Variants in PCDHGA2 observed in about 807,000 individuals in gnomAD.
PCDHGA2 encodes protocadherin gamma subfamily A, 2, also known as protocadherin gamma-A2.
PCDHGA2 carries 40 observed loss-of-function variants against 59.2 expected under a neutral mutation model. The ratio of observed to expected loss-of-function variants is 0.68; its 90% CI spans 0.52 to 0.88. The LOEUF (loss-of-function observed/expected upper bound fraction) is 0.88. Ranked by LOEUF, PCDHGA2 falls within the 40% of genes least tolerant of loss-of-function variation. The pLI is 0.00. For missense variants in PCDHGA2, 1,226 were observed against 1,204.0 expected, an observed-to-expected ratio of 1.02 and a Z score of -0.27; for synonymous variants, 560 against 526.0, an observed-to-expected ratio of 1.06 and a Z score of -0.89.
At chr5:141,404,707 C>G in intron 1 of PCDHGA2, 1 of 1,614,122 alleles carries the variant, frequency 6.2e-7, no homozygotes, top group Non-Finnish European at 8.5e-7. Context: ...CAGAGCCTGG[C>G]TACCTGGTGA....
At chr5:141,492,070 G>T (rs1408035481) in intron 1 of PCDHGA2, 1 of 477,946 alleles carries the variant, frequency 2.1e-6, no homozygotes. Context: ...CCTCCTAGGC[G>T]CCGGCTCCGG....
chr5:141,453,676 C>T (rs1387074223), intron 1 of PCDHGA2, among the ~76,000 whole-genome samples: 1 of 152,174 alleles, frequency 6.6e-6, no homozygotes, highest in Admixed American at 6.6e-5. Flanking sequence ...AAAGGTAACA[C>T]ACTATGTAGG....
intron 1 of PCDHGA2, chr5:141,364,429 C>T (rs1297312122): frequency 1.9e-6 from 3 of 1,613,650 alleles, no homozygotes; most frequent in Admixed American, 1.7e-5. Flanking sequence ...AGATCCGCTA[C>T]TCGATGCCGG....
rs367793525 is a variant in PCDHGA2, at chr5:141,352,460, G to C, written c.2424+11065G>C. On this transcript the variant is annotated intron_variant, in intron 1 of 3. Transcript: ENST00000394576. ...CGGTCTCTGCTCCAAGTCTGGGCCC[G>C]GGGTTCCTCCCAACCACAGCGAGGG... The C allele has an allele frequency of 5.9e-5, 95 of 1,613,896 alleles. No homozygotes were observed. The highest frequency in any genetic ancestry group is 2.3e-4 in the African/African-American group (17 of 74,932).
At chr5:141,441,246 C>G (rs2098234855) in intron 1 of PCDHGA2, 1 of 152,136 alleles carries the variant, frequency 6.6e-6, no homozygotes, top group Non-Finnish European at 1.5e-5. Flanking sequence ...ATCACAAGAT[C>G]TTTAAATCAC....
chr5:141,455,148 A>G (rs6897410), intron 1 of PCDHGA2, among the ~76,000 whole-genome samples: 9,268 of 149,002 alleles, frequency 0.062, 567 homozygotes, highest in African/African-American at 0.16. Flanking sequence ...TTAAATAAAT[A>G]TTAGTTTGTT....
At chr5:141,409,219 T>A in intron 1 of PCDHGA2, 1 of 1,614,022 alleles carries the variant, frequency 6.2e-7, no homozygotes, top group Non-Finnish European at 8.5e-7. Context: ...AAATCCTTGA[T>A]GAAAACGACA....
intron 1 of PCDHGA2, among the ~76,000 whole-genome samples, chr5:141,446,664 G>A (rs116573282): frequency 0.012 from 1,821 of 152,192 alleles, 38 homozygotes; most frequent in African/African-American, 0.042. Context: ...TTTAGTACAA[G>A]ACAGCATTTC....
intron 1 of PCDHGA2, chr5:141,361,981 C>A (rs370897399): frequency 1.4e-4 from 232 of 1,601,314 alleles, no homozygotes; most frequent in Non-Finnish European, 1.8e-4. Context: ...CGAGCCCGGG[C>A]TCTTCAGCCT....
At chr5:141,350,905 G>C in intron 1 of PCDHGA2, 2 of 1,614,058 alleles carry the variant, frequency 1.2e-6, no homozygotes, top group Non-Finnish European at 1.7e-6. Flanking sequence ...TGGATGGCGG[G>C]GACCCGCCTC....
chr5:141,403,438 T>G (rs759998240), intron 1 of PCDHGA2: 12 of 1,614,054 alleles, frequency 7.4e-6, no homozygotes, highest in Non-Finnish European at 8.5e-6. Flanking sequence ...ATCCGGATGT[T>G]GGCGTGAACT....
chr5:141,417,633 G>C, intron 1 of PCDHGA2: 1 of 712,146 alleles, frequency 1.4e-6, no homozygotes, highest in South Asian at 2.3e-5. Flanking sequence ...CGCTGACGCC[G>C]GGGATCCCTC....
At chr5:141,510,810 A>G (rs1455434913) in intron 3 of PCDHGA2, 137 bp from the exon 4 acceptor site, 19 of 1,519,650 alleles carry the variant, frequency 1.3e-5, no homozygotes, top group Admixed American at 2.0e-5. Flanking sequence ...TACCTTGGTG[A>G]CCCCTATATT....
chr5:141,509,621 C>T (rs1179988828), intron 3 of PCDHGA2, among the ~76,000 whole-genome samples: 1 of 152,178 alleles, frequency 6.6e-6, no homozygotes, highest in African/African-American at 2.4e-5. Flanking sequence ...AAACAAGTTC[C>T]TGGGTGATGC....
chr5:141,366,636 T>A lies in PCDHGA2; in HGVS notation c.2424+25241T>A, dbSNP rs374724936. On this transcript the variant is annotated intron_variant, in intron 1 of 3. Coordinates refer to ENST00000394576, the MANE Select transcript of PCDHGA2 (RefSeq NM_018915.4). The stretch of plus-strand genomic sequence containing the variant: ...GCGGACTCGAGGAAGAGTCACCTGA[T>A]CTTTCCCCAGCCCAACTACGCAGAC... 1.5e-5 allele frequency: 24 copies of A among 1,614,122 alleles called. No homozygotes were observed. In the African/African-American group the frequency reaches 2.7e-4, roughly 18 times the overall value.
At chr5:141,467,280 T>G (rs1021597111) in intron 1 of PCDHGA2, among the ~76,000 whole-genome samples, 58 of 152,272 alleles carry the variant, frequency 3.8e-4, no homozygotes, top group Admixed American at 2.6e-4. Flanking sequence ...CTCGAACTCT[T>G]GACCTCAAGT....
chr5:141,484,096 G>A (rs539388257), intron 1 of PCDHGA2, among the ~76,000 whole-genome samples: 1 of 152,126 alleles, frequency 6.6e-6, no homozygotes, highest in South Asian at 2.1e-4. Flanking sequence ...GTCTTCGTTG[G>A]TAATTAACAA....
At chr5:141,415,024 G>T in intron 1 of PCDHGA2, 1 of 1,613,568 alleles carries the variant, frequency 6.2e-7, no homozygotes, top group Non-Finnish European at 8.5e-7. Flanking sequence ...CAAGGCCAGC[G>T]AGCCGGGACT....
At chr5:141,471,252 T>C (rs1003162914) in intron 1 of PCDHGA2, 1 of 151,872 alleles carries the variant, frequency 6.6e-6, no homozygotes, top group Non-Finnish European at 1.5e-5. Flanking sequence ...GGTTTCACCA[T>C]GTTGGCAAGG....
Sources: allele counts gnomAD v4.1 joint callset (sites outside exome capture counted in the v4.1 genomes callset), GRCh38; gene constraint gnomAD v4.1.1; transcripts MANE v1.5; gene names NCBI Gene and HGNC (gene_info 2026-07-23, HGNC 2026-07-21).